The following VAT1L variants were observed in gnomAD, a reference collection of about 807,000 sequenced individuals.
VAT1L encodes putative NADPH-dependent quinone oxidoreductase VAT1L.
In VAT1L, 34 loss-of-function variants were observed where a neutral mutation model predicts 44.1. The ratio of observed to expected loss-of-function variants is 0.77; its 90% confidence interval spans 0.59 to 1.03. The LOEUF is 1.03. Among genes scored for constraint, VAT1L ranks in the 50% least tolerant of loss-of-function variants. VAT1L has a pLI of 0.00. For synonymous variants in VAT1L, 253 were observed against 202.2 expected (o/e 1.25, Z -2.13); for missense variants, 615 against 538.8 (o/e 1.14, Z -1.40).
At chr16:77,835,688 C>T (rs1025589062) in intron 3 of VAT1L, among the ~76,000 whole-genome samples, 3 of 152,076 alleles carry the variant, frequency 2.0e-5, no homozygotes, top group Non-Finnish European at 4.4e-5. Flanking sequence ...GCCTGGCCAA[C>T]ATGGTGAAAC....
rs1214048896 is a variant in VAT1L at position 77,977,691 on chromosome 16, A to G, written c.1256A>G (p.Gln419Arg). Residue 419 changes from glutamine to arginine, a missense_variant, in exon 9 of 9, where the codon CAG (glutamine) becomes CGG (arginine). Physicochemically the swap from Gln to Arg is conservative, Grantham distance 43. Coordinates refer to ENST00000302536, the MANE Select transcript of VAT1L (RefSeq NM_020927.3). ...SENKERMPFIQ is the reference protein window; with the variant it reads ...SENKERMPFIR ...AACAAGGAGCGGATGCCCTTTATCC[A>G]GTAACTGAGGACCCAGGTGGGAGAA... The G allele has an allele frequency of 6.2e-7, 1 of 1,613,804 alleles. No homozygotes were observed. The highest frequency in any genetic ancestry group is 8.5e-7 in the Non-Finnish European group (1 of 1,179,872).
rs761855683 is a variant in VAT1L at position 77,825,451 on chromosome 16, G to A, written c.569G>A (p.Gly190Asp). Residue 190 changes from glycine to aspartate, a missense_variant, in exon 3 of 9, where the codon GGT (glycine) becomes GAT (aspartate). Physicochemically the swap from Gly to Asp is moderately conservative, Grantham distance 94 (BLOSUM62 -1). Transcript: ENST00000302536. ...ATGTCTGTGCTCGTGCACTCAGCTG[G>A]TGGGGGCGTGGTAAGTCAGCTGTTT... ...EGMSVLVHSAGGGVGQAVAQL... is the reference protein window; with the variant it reads ...EGMSVLVHSADGGVGQAVAQL... 1.8e-5 allele frequency: 28 copies of A among 1,585,276 alleles called. No homozygotes were observed. Among genetic ancestry groups the A allele is most frequent in the Non-Finnish European group, 2.3e-5 (27 of 1,164,398 alleles).
At chr16:77,838,724 ACT>A (rs967737609) in intron 3 of VAT1L, among the ~76,000 whole-genome samples, 2 of 122,844 alleles carry the variant, frequency 1.6e-5, no homozygotes, top group South Asian at 2.6e-4. Context: ...CTTTTTTTTC[ACT>A]CTTTTTCTGT....
rs1200198678 is a variant in VAT1L, at chr16:77,879,238, C to T, written c.882+14C>T. ...TTTGCAAAATCAGTAAGTATCCAGG[C>T]ACATCTGATGTACTGTGGTGGCATG... On this transcript the variant is annotated intron_variant, in intron 6 of 8. Transcript: ENST00000302536. The surrounding 1 kb of genome is among the most constrained non-coding windows in gnomAD (Gnocchi z 4.1). The T allele has an allele frequency of 1.9e-6, 3 of 1,612,934 alleles. No homozygotes were observed. In the African/African-American group the frequency reaches 4.0e-5, roughly 22 times the overall value.
chr16:77,952,104 T>A (rs2142524904), intron 7 of VAT1L, among the ~76,000 whole-genome samples: 1 of 152,324 alleles, frequency 6.6e-6, no homozygotes, highest in East Asian at 1.9e-4. Flanking sequence ...AGGGATGCTA[T>A]CTTTCTTGAT....
intron 7 of VAT1L, among the ~76,000 whole-genome samples, chr16:77,894,698 A>C (rs2017302968): frequency 6.6e-6 from 1 of 152,198 alleles, no homozygotes; most frequent in South Asian, 2.1e-4. Flanking sequence ...AAGTGGGTGA[A>C]TTGTATAGCA....
intron 7 of VAT1L, among the ~76,000 whole-genome samples, chr16:77,961,431 TC>T (rs2018159150): frequency 6.6e-6 from 1 of 152,154 alleles, no homozygotes; most frequent in African/African-American, 2.4e-5. Context: ...GGCTCTCAGA[TC>T]CCTGGGCCTG....
chr16:77,974,356 G>C (rs1398978915), intron 8 of VAT1L, among the ~76,000 whole-genome samples: 2 of 152,148 alleles, frequency 1.3e-5, no homozygotes, highest in Non-Finnish European at 2.9e-5. Context: ...TGGCTTTCAA[G>C]AAAATAGTTG....
intron 8 of VAT1L, among the ~76,000 whole-genome samples, chr16:77,975,286 T>C (rs1182920250): frequency 1.5e-5 from 2 of 137,316 alleles, no homozygotes; most frequent in African/African-American, 5.4e-5. Context: ...CTCAGCTCAC[T>C]GCAACCTTCG....
intron 7 of VAT1L, among the ~76,000 whole-genome samples, chr16:77,950,077 T>A (rs965464014): frequency 2.0e-4 from 30 of 152,318 alleles, no homozygotes; most frequent in African/African-American, 7.2e-4. Context: ...TAACTTATTA[T>A]CCAATGAACA....
At position 77,848,929 on chromosome 16, in the gene VAT1L, C is replaced by A. The variant is rs1041142791; in HGVS notation, c.580-13819C>A. On this transcript the variant is annotated intron_variant, in intron 3 of 8. Coordinates refer to ENST00000302536, the MANE Select transcript of VAT1L (RefSeq NM_020927.3). The stretch of plus-strand genomic sequence containing the variant: ...GCTGGAAACCATCATTCTCAGCAAA[C>A]TAACACAGGAACAGAAAACCAAACA... 2.6e-5 allele frequency among the ~76,000 whole-genome samples: 4 copies of A among 152,126 alleles called. No individual in the cohort carries two copies. In the South Asian group the frequency reaches 8.3e-4, roughly 32 times the overall value.
At chr16:77,859,523 C>T (rs1241830270) in intron 3 of VAT1L, among the ~76,000 whole-genome samples, 1 of 152,148 alleles carries the variant, frequency 6.6e-6, no homozygotes, top group African/African-American at 2.4e-5. Flanking sequence ...ATTCTGAAAG[C>T]TGTGATGGAC....
At chr16:77,908,845 C>T (rs1269990842) in intron 7 of VAT1L, among the ~76,000 whole-genome samples, 1 of 151,816 alleles carries the variant, frequency 6.6e-6, no homozygotes, top group East Asian at 1.9e-4. Flanking sequence ...ACCCGGGAGG[C>T]GGAGCTTGCA....
chr16:77,916,268 C>T (rs2017551028), intron 7 of VAT1L, among the ~76,000 whole-genome samples: 2 of 152,188 alleles, frequency 1.3e-5, no homozygotes, highest in South Asian at 4.1e-4. Context: ...AAGAAGTGTC[C>T]TTGGAAATGC....
intron 7 of VAT1L, among the ~76,000 whole-genome samples, chr16:77,909,504 G>T (rs2017475341): frequency 6.6e-6 from 1 of 152,058 alleles, no homozygotes; most frequent in Admixed American, 6.5e-5. Context: ...AGGCGTGGTG[G>T]TGTGTGCCTC....
intron 7 of VAT1L, among the ~76,000 whole-genome samples, chr16:77,916,032 G>A (rs190856954): frequency 2.0e-5 from 3 of 152,320 alleles, no homozygotes. Flanking sequence ...TTCATTGAGA[G>A]CTGTTCTGGG....
intron 3 of VAT1L, among the ~76,000 whole-genome samples, chr16:77,841,561 T>G (rs1337438347): frequency 2.0e-5 from 3 of 152,216 alleles, no homozygotes; most frequent in African/African-American, 7.2e-5. Context: ...GTCTCACAAA[T>G]GTCAGACTTT....
At chr16:77,795,248 A>G (rs2015906574) in intron 1 of VAT1L, among the ~76,000 whole-genome samples, 1 of 140,616 alleles carries the variant, frequency 7.1e-6, no homozygotes, top group South Asian at 2.7e-4. Context: ...AACCTCACTA[A>G]TGGAAGCAAT....
chr16:77,894,812 C>G (rs1194158875), intron 7 of VAT1L, among the ~76,000 whole-genome samples: 2 of 152,018 alleles, frequency 1.3e-5, no homozygotes, highest in African/African-American at 4.8e-5. Context: ...GATTGAAGGG[C>G]TGTTTAATGC....
Sources: gnomAD v4.1 joint callset for allele counts (sites outside exome capture counted in the v4.1 genomes callset) on GRCh38, gnomAD v4.1.1 for gene constraint, Gnocchi (gnomAD v3.1) non-coding constraint, MANE v1.5 for transcripts, NCBI Gene and HGNC (gene_info 2026-07-23, HGNC 2026-07-21) for gene names.